Variants in TMEM30A observed in about 807,000 individuals in gnomAD.
TMEM30A encodes cell division cycle 50 P4-ATPase accessory subunit A.
A neutral mutation model predicts 38.2 loss-of-function variants in TMEM30A; 24 were observed. The ratio of observed to expected loss-of-function variants is 0.63; its 90% CI spans 0.46 to 0.88. TMEM30A has a LOEUF of 0.88. Among genes scored for constraint, TMEM30A ranks in the 40% least tolerant of loss-of-function variants. TMEM30A has a pLI of 0.00. For synonymous variants in TMEM30A, 145 were observed against 161.6 expected, an observed-to-expected ratio of 0.90 and a Z score of 0.78; for missense variants, 370 against 458.6, an observed-to-expected ratio of 0.81 and a Z score of 1.77.
intron 1 of TMEM30A, 184 bp downstream of exon 1, chr6:75,284,218 A>T: frequency 1.5e-6 from 1 of 663,166 alleles, no homozygotes; most frequent in Non-Finnish European, 2.7e-6. Flanking sequence ...GCTAGGACAA[A>T]CCTGCAAATT....
At chr6:75,273,210 G>GT (rs1772204621) in intron 1 of TMEM30A, among the ~76,000 whole-genome samples, 4 of 152,152 alleles carry the variant, frequency 2.6e-5, no homozygotes, top group African/African-American at 9.7e-5. Flanking sequence ...TAAAGCCTCA[G>GT]CAAGCTAAGT....
chr6:75,263,641 A>T (rs1772011686), intron 3 of TMEM30A, among the ~76,000 whole-genome samples: 1 of 152,228 alleles, frequency 6.6e-6, no homozygotes, highest in South Asian at 2.1e-4. Flanking sequence ...AACTGGCAAA[A>T]TGAGCAGATT....
chr6:75,261,617 G>T (rs553026006), intron 3 of TMEM30A, among the ~76,000 whole-genome samples: 10 of 152,228 alleles, frequency 6.6e-5, no homozygotes, highest in African/African-American at 2.4e-4. Flanking sequence ...CTGAGGTTAG[G>T]GGTCTGTCTG....
In TMEM30A at chr6:75,264,590, C is replaced by T. The variant is rs192333225; in HGVS notation, c.453+641G>A. 1.8e-3 allele frequency among the ~76,000 whole-genome samples: 280 copies of T among 151,484 alleles called. 1 individual carries two copies. Among genetic ancestry groups the T allele is most frequent in the African/African-American group, 6.4e-3 (263 of 41,244 alleles). On this transcript the variant is annotated intron_variant, in intron 3 of 6. Coordinates refer to ENST00000230461, the MANE Select transcript of TMEM30A (RefSeq NM_018247.4). ...GGTGGAGGCTGCAGTGAGCCGAGGTCGCGCCACTGCACTCCAGTCTGGGCA... is the reference window on the plus strand; with the variant it reads ...GGTGGAGGCTGCAGTGAGCCGAGGTTGCGCCACTGCACTCCAGTCTGGGCA...
At position 75,260,892 on chromosome 6, in the gene TMEM30A, T is replaced by C. The variant is rs761389039; in HGVS notation, c.473A>G (p.Glu158Gly). The C allele has an allele frequency of 6.2e-7, 1 of 1,600,124 alleles. No homozygotes were observed. Among genetic ancestry groups the C allele is most frequent in the South Asian group, 1.1e-5 (1 of 87,596 alleles). Residue 158 changes from glutamate to glycine, a missense_variant, in exon 4 of 7, where the codon GAA (glutamate) becomes GGA (glycine). Coordinates refer to ENST00000230461, the MANE Select transcript of TMEM30A (RefSeq NM_018247.4). ...TTTGTCTTCATTTCTTCGATAAGGT[T>C]CACATTCCTTACTGGGATTCTGGTT... Reference protein sequence around the residue: ...SALLNPSKECEPYRRNEDKPI... With the variant: ...SALLNPSKECGPYRRNEDKPI...
chr6:75,279,726 C>T (rs1475755228), intron 1 of TMEM30A, among the ~76,000 whole-genome samples: 1 of 152,028 alleles, frequency 6.6e-6, no homozygotes, highest in Non-Finnish European at 1.5e-5. Flanking sequence ...CTTGGTAATT[C>T]TAAAAATACA....
chr6:75,260,698 T>C, intron 4 of TMEM30A, 126 bp downstream of exon 4: 1 of 494,446 alleles, frequency 2.0e-6, no homozygotes, highest in Non-Finnish European at 3.4e-6. Flanking sequence ...CCCCATTCAA[T>C]ACTCGATTTA....
intron 1 of TMEM30A, among the ~76,000 whole-genome samples, chr6:75,270,985 T>G (rs1307800750): frequency 6.6e-6 from 1 of 152,190 alleles, no homozygotes; most frequent in African/African-American, 2.4e-5. Flanking sequence ...GGCCACAACT[T>G]TGCACCTGGG....
chr6:75,261,754 G>A (rs1771968387), intron 3 of TMEM30A, among the ~76,000 whole-genome samples: 1 of 152,118 alleles, frequency 6.6e-6, no homozygotes, highest in African/African-American at 2.4e-5. Flanking sequence ...AGCTAACCTT[G>A]ACTTGTATCT....
intron 1 of TMEM30A, among the ~76,000 whole-genome samples, chr6:75,274,781 TG>T (rs1353656218): frequency 2.0e-5 from 3 of 152,062 alleles, no homozygotes; most frequent in Non-Finnish European, 4.4e-5. Flanking sequence ...CCCAGCACTT[TG>T]GGAGGCCAAG....
intron 6 of TMEM30A, among the ~76,000 whole-genome samples, chr6:75,258,564 A>G (rs1232778456): frequency 6.6e-6 from 1 of 152,176 alleles, no homozygotes; most frequent in Non-Finnish European, 1.5e-5. Context: ...TTACCAAACA[A>G]TATGCTTCAA....
At chr6:75,279,748 A>T (rs951472953) in intron 1 of TMEM30A, among the ~76,000 whole-genome samples, 1 of 152,206 alleles carries the variant, frequency 6.6e-6, no homozygotes, top group Non-Finnish European at 1.5e-5. Context: ...TATATTTCTA[A>T]GAAACAGACT....
At chr6:75,276,324 C>T (rs936476497) in intron 1 of TMEM30A, among the ~76,000 whole-genome samples, 1 of 152,192 alleles carries the variant, frequency 6.6e-6, no homozygotes, top group Non-Finnish European at 1.5e-5. Flanking sequence ...TCAAGGAGGG[C>T]GTCATGGAAA....
chr6:75,283,182 A>G (rs1018188672), intron 1 of TMEM30A, among the ~76,000 whole-genome samples: 2 of 152,238 alleles, frequency 1.3e-5, no homozygotes, highest in Non-Finnish European at 2.9e-5. Flanking sequence ...GTAGAATTAC[A>G]AAATACATCA....
intron 6 of TMEM30A, chr6:75,256,796 C>G: frequency 2.1e-6 from 1 of 474,388 alleles, no homozygotes. Context: ...AAAGTTTTAA[C>G]TTGCTGATTT....
chr6:75,275,855 G>T (rs773617641), intron 1 of TMEM30A, among the ~76,000 whole-genome samples: 3 of 152,130 alleles, frequency 2.0e-5, no homozygotes, highest in Non-Finnish European at 4.4e-5. Flanking sequence ...TCTGAGTGAT[G>T]AGTGTCTTTC....
At chr6:75,263,152 C>T (rs1193366317) in intron 3 of TMEM30A, among the ~76,000 whole-genome samples, 1 of 152,096 alleles carries the variant, frequency 6.6e-6, no homozygotes, top group Non-Finnish European at 1.5e-5. Context: ...AGACCAGGAG[C>T]CAGCCATGTA....
At chr6:75,265,748 G>T (rs2149520593) in intron 2 of TMEM30A, among the ~76,000 whole-genome samples, 1 of 151,986 alleles carries the variant, frequency 6.6e-6, no homozygotes, top group East Asian at 1.9e-4. Context: ...AGAGACTAGA[G>T]TCTTGCTATG....
chr6:75,277,407 T>G (rs1366645353), intron 1 of TMEM30A, among the ~76,000 whole-genome samples: 1 of 151,982 alleles, frequency 6.6e-6, no homozygotes, highest in Non-Finnish European at 1.5e-5. Context: ...CAGAGTATAC[T>G]CTCAAAAAAT....
Sources: gnomAD v4.1 joint callset for allele counts (sites outside exome capture counted in the v4.1 genomes callset) on GRCh38, gnomAD v4.1.1 for gene constraint, MANE v1.5 for transcripts, NCBI Gene and HGNC (gene_info 2026-07-23, HGNC 2026-07-21) for gene names.